The following MYT1L variants were observed in gnomAD, a reference collection of about 807,000 sequenced individuals.
The protein encoded by MYT1L is myelin transcription factor 1 like.
Under a neutral mutation model 126.7 loss-of-function variants are expected in MYT1L, and 12 were observed. That is an observed-to-expected ratio of 0.09 (90% CI 0.06 to 0.15). The LOEUF (loss-of-function observed/expected upper bound fraction) is 0.15. Among genes scored for constraint, MYT1L ranks in the 10% least tolerant of loss-of-function variants. The pLI, the probability that MYT1L is intolerant of heterozygous loss-of-function variation, is 1.00. For missense variants in MYT1L, 979 were observed against 1,585.2 expected (o/e 0.62, Z 6.49); for synonymous variants, 541 against 604.2 (o/e 0.90, Z 1.53).
chr2:2,234,277 A>G (rs1255776560), intron 2 of MYT1L, among the ~76,000 whole-genome samples: 1 of 152,216 alleles, frequency 6.6e-6, no homozygotes, highest in Non-Finnish European at 1.5e-5. Context: ...ATAATTTCAC[A>G]CTTGTCTTGG....
intron 8 of MYT1L, among the ~76,000 whole-genome samples, chr2:1,953,261 C>T (rs572226131): frequency 2.0e-5 from 3 of 152,314 alleles, no homozygotes; most frequent in East Asian, 3.9e-4. Flanking sequence ...CCACGCCCAG[C>T]GTCTACTTAA....
intron 2 of MYT1L, among the ~76,000 whole-genome samples, chr2:2,241,572 TA>T (rs541213173): frequency 8.4e-4 from 128 of 152,274 alleles, no homozygotes; most frequent in Non-Finnish European, 1.6e-3. Context: ...ATAAGACTCA[TA>T]AGGTAGCAGA....
rs764364073 is a variant in MYT1L at position 1,792,461 on chromosome 2, T to A, written c.3280A>T (p.Thr1094Ser). 1.9e-6 allele frequency: 3 copies of A among 1,613,096 alleles called. No individual in the cohort carries two copies. Among genetic ancestry groups the A allele is most frequent in the Non-Finnish European group, 2.5e-6 (3 of 1,179,322 alleles). ...ADMIKLRTQI[T>S]TMESNLKTIE... ...GTCTTCAGGTTGCTCTCCATCGTGG[T>A]AATCTGAAACGCACAAGTGTGCGTG... The change falls in exon 24 of 25, where the codon ACC becomes TCC. Residue 1094 changes from threonine (T) to serine (S), a missense_variant. Transcript: ENST00000647738.
intron 21 of MYT1L, among the ~76,000 whole-genome samples, chr2:1,832,841 G>A (rs1430762668): frequency 2.0e-5 from 3 of 152,102 alleles, no homozygotes; most frequent in African/African-American, 4.8e-5. Flanking sequence ...GTTGCTGATC[G>A]CTGGCCTGGC....
At chr2:2,020,844 C>A (rs2064955237) in intron 4 of MYT1L, among the ~76,000 whole-genome samples, 2 of 152,176 alleles carry the variant, frequency 1.3e-5, no homozygotes, top group Admixed American at 1.3e-4. Flanking sequence ...AAATGTAGAT[C>A]TTTAATTAGC....
At position 1,910,264 on chromosome 2, in the gene MYT1L, C is replaced by T; in HGVS notation, c.1793G>A (p.Ser598Asn). The part of the protein sequence containing the change: ...KHQSCDVSKS[S>N]QASDRVLRPM... ...CCTGAGCACGCGGTCCGAGGCCTGGCTGGACTTGGACACGTCGCAGCTCTG... is the reference window on the plus strand; with the variant it reads ...CCTGAGCACGCGGTCCGAGGCCTGGTTGGACTTGGACACGTCGCAGCTCTG... Residue 598 changes from serine (S) to asparagine (N), a missense_variant, in exon 13 of 25, where the codon AGC (serine) becomes AAC (asparagine). Physicochemically the swap from Ser to Asn is conservative, Grantham distance 46 (BLOSUM62 1). Around this residue, in one of 12 missense-constraint regions of MYT1L, gnomAD observed 82 missense variants for 177.2 expected, o/e 0.46. Coordinates refer to ENST00000647738, the MANE Select transcript of MYT1L (RefSeq NM_001303052.2). The surrounding 1 kb of genome is among the most constrained non-coding windows in gnomAD (Gnocchi z 4.8). 1 of 1,613,284 alleles carries T rather than the reference C, an allele frequency of 6.2e-7. No homozygotes were observed. Among genetic ancestry groups the T allele is most frequent in the African/African-American group, 1.3e-5 (1 of 75,060 alleles).
chr2:1,908,512 A>G (rs2051420987), intron 13 of MYT1L, among the ~76,000 whole-genome samples: 1 of 152,208 alleles, frequency 6.6e-6, no homozygotes, highest in Non-Finnish European at 1.5e-5. Flanking sequence ...GCCAGATACT[A>G]GAGTTCTTCC....
rs1263807599 is a variant in MYT1L, at chr2:1,892,151, C to G, written c.2169G>C (p.Thr723=). 6.5e-7 allele frequency: 1 copy of G among 1,548,548 alleles called. No individual in the cohort carries two copies. The highest frequency in any genetic ancestry group is 1.7e-4 in the Middle Eastern group (1 of 5,992). Residue 723 remains threonine (T), a synonymous_variant, in exon 15 of 25, where the codon ACG becomes ACC. Transcript: ENST00000647738. ...CCATGTGGGCCGCCTCCATGTCGTG[C>G]GTGTAGTCGAAGCTGCTCTTGCTGC... ...STCSKSSFDY[T]HDMEAAHMAA...
Position 1,801,756 on chromosome 2 carries a change from G to A in MYT1L, c.3216C>T (p.Ile1072=), listed in dbSNP as rs753477917. The change falls in exon 23 of 25, where the codon ATC becomes ATT. Residue 1072 remains isoleucine, a synonymous_variant. Coordinates refer to ENST00000647738, the MANE Select transcript of MYT1L (RefSeq NM_001303052.2). This position sits in a 1 kb window ranked among gnomAD's most constrained non-coding sequence, Gnocchi z 4.2. ...GGGAATTGGATTCATTTAGCTCCTT[G>A]ATTTCTTCATCTAACTGTTTGATTT... The part of the protein sequence containing the change: ...DEEIKQLDEE[I]KELNESNSQM... 6.2e-7 allele frequency: 1 copy of A among 1,611,518 alleles called. No homozygotes were observed. The highest frequency in any genetic ancestry group is 2.2e-5 in the East Asian group (1 of 44,834).
intron 3 of MYT1L, among the ~76,000 whole-genome samples, chr2:2,093,565 A>G (rs1328664767): frequency 2.6e-5 from 4 of 151,834 alleles, no homozygotes; most frequent in Non-Finnish European, 5.9e-5. Flanking sequence ...AATTTGTTTG[A>G]GTTCTTTGTA....
intron 4 of MYT1L, among the ~76,000 whole-genome samples, chr2:2,037,507 G>A (rs867153623): frequency 6.6e-6 from 1 of 150,622 alleles, no homozygotes; most frequent in African/African-American, 2.4e-5. Flanking sequence ...TGTAATCCCA[G>A]CACCTTGGGA....
chr2:2,200,335 T>C (rs1342920524), intron 2 of MYT1L, among the ~76,000 whole-genome samples: 1 of 152,108 alleles, frequency 6.6e-6, no homozygotes, highest in Non-Finnish European at 1.5e-5. Context: ...AATAAAGAAA[T>C]CAAGGTGTCA....
Position 2,131,300 on chromosome 2 carries a change from C to A in MYT1L, c.-304+41572G>T, listed in dbSNP as rs183258305. The stretch of plus-strand genomic sequence containing the variant: ...GGAAACACCACTTAGTGCACAGATG[C>A]GCATAAATCAAACAGCCTATGATAC... On this transcript the variant is annotated intron_variant, in intron 3 of 24. Transcript: ENST00000647738. Among the ~76,000 whole-genome samples the A allele has an allele frequency of 3.1e-3, 470 of 152,224 alleles. 7 individuals carry two copies. Among genetic ancestry groups the A allele is most frequent in the African/African-American group, 5.7e-3 (236 of 41,528 alleles).
chr2:1,866,846 T>G (rs1471087540), intron 18 of MYT1L, among the ~76,000 whole-genome samples: 4 of 53,306 alleles, frequency 7.5e-5, no homozygotes, highest in South Asian at 7.0e-4. Flanking sequence ...AGAGAGGCCG[T>G]CAGAGAGGGA....
At chr2:2,168,008 A>T (rs531268059) in intron 3 of MYT1L, among the ~76,000 whole-genome samples, 11 of 152,248 alleles carry the variant, frequency 7.2e-5, no homozygotes, top group Admixed American at 7.2e-4. Context: ...TTTAAAAAAA[A>T]ATAGGCATTT....
chr2:2,162,497 T>C (rs776291164), intron 3 of MYT1L, among the ~76,000 whole-genome samples: 5 of 152,188 alleles, frequency 3.3e-5, no homozygotes, highest in Admixed American at 1.3e-4. Context: ...GCTCTGCTCA[T>C]ATCCAGGTCA....
chr2:1,946,020 C>A (rs979233012), intron 8 of MYT1L, among the ~76,000 whole-genome samples: 1 of 152,082 alleles, frequency 6.6e-6, no homozygotes, highest in Non-Finnish European at 1.5e-5. Context: ...GGCAAGCGAG[C>A]GAAGCTTCTT....
At chr2:2,153,254 C>T (rs2086117709) in intron 3 of MYT1L, among the ~76,000 whole-genome samples, 1 of 152,088 alleles carries the variant, frequency 6.6e-6, no homozygotes, top group African/African-American at 2.4e-5. Flanking sequence ...ATGAACGAGA[C>T]CCTGCCTCAA....
chr2:2,161,286 G>T (rs550213505), intron 3 of MYT1L, among the ~76,000 whole-genome samples: 76 of 152,308 alleles, frequency 5.0e-4, no homozygotes, highest in Non-Finnish European at 1.1e-3. Flanking sequence ...TGTGTATCCT[G>T]CTTGGATATT....
Sources: gnomAD v4.1 joint callset for allele counts (sites outside exome capture counted in the v4.1 genomes callset) on GRCh38, gnomAD v4.1.1 for gene constraint, gnomAD v4.1.1 regional missense constraint, Gnocchi (gnomAD v3.1) non-coding constraint, MANE v1.5 for transcripts, NCBI Gene and HGNC (gene_info 2026-07-23, HGNC 2026-07-21) for gene names.